The following RBMS3 variants were observed in gnomAD, a reference collection of about 807,000 sequenced individuals.
RBMS3 encodes the protein RNA-binding motif, single-stranded-interacting protein 3.
Under a neutral mutation model 66.8 loss-of-function variants are expected in RBMS3, and 27 were observed. That is an observed-to-expected ratio of 0.40 (90% confidence interval 0.30 to 0.56). The LOEUF (loss-of-function observed/expected upper bound fraction) is 0.56, where lower values mean the gene tolerates loss of function less well. RBMS3 is among the 20% of genes least tolerant of loss of function. RBMS3 has a pLI of 0.40. For synonymous variants in RBMS3, 188 were observed against 183.0 expected (o/e 1.03, Z -0.22); for missense variants, 513 against 549.5 (o/e 0.93, Z 0.66).
At chr3:29,420,868 G>A (rs1421985182) in intron 1 of RBMS3, among the ~76,000 whole-genome samples, 1 of 151,750 alleles carries the variant, frequency 6.6e-6, no homozygotes, top group Non-Finnish European at 1.5e-5. Context: ...ACTTTGGGAG[G>A]CCGAGGCGGG....
At chr3:29,785,162 T>C (rs896038245) in intron 6 of RBMS3, among the ~76,000 whole-genome samples, 11 of 151,988 alleles carry the variant, frequency 7.2e-5, no homozygotes, top group African/African-American at 2.7e-4. Flanking sequence ...CCTAAATCAA[T>C]CTATAAAGCC....
chr3:29,426,340 A>G (rs2040959276), intron 1 of RBMS3, among the ~76,000 whole-genome samples: 1 of 152,204 alleles, frequency 6.6e-6, no homozygotes, highest in African/African-American at 2.4e-5. Flanking sequence ...TTTATTAATC[A>G]AATTTGTTTA....
chr3:29,941,530 A>C (rs961883496), intron 11 of RBMS3, among the ~76,000 whole-genome samples: 1 of 151,850 alleles, frequency 6.6e-6, no homozygotes, highest in African/African-American at 2.4e-5. Context: ...AGTTTAAAAA[A>C]ATTGGTTTAG....
chr3:29,342,510 G>C (rs1271872396), intron 1 of RBMS3, among the ~76,000 whole-genome samples: 1 of 152,114 alleles, frequency 6.6e-6, no homozygotes, highest in Admixed American at 6.6e-5. Context: ...ATTGAAAAAA[G>C]TATTTTTATA....
In RBMS3 at chr3:29,908,749, A is replaced by T. The variant is rs111684271; in HGVS notation, c.939+8994A>T. Among the ~76,000 whole-genome samples, 28 of 152,302 alleles carry T rather than the reference A, an allele frequency of 1.8e-4. 2 individuals carry two copies. The highest frequency in any genetic ancestry group is 6.7e-4 in the African/African-American group (28 of 41,554). On this transcript the variant is annotated intron_variant, in intron 10 of 14. Transcript: ENST00000383767. ...ATAATAAAAACAAATATTCTTGAGC[A>T]TCAAATATGTGCATGATATTTTTCT...
At chr3:29,515,892 G>A (rs921923298) in intron 3 of RBMS3, among the ~76,000 whole-genome samples, 2 of 152,216 alleles carry the variant, frequency 1.3e-5, no homozygotes, top group Non-Finnish European at 2.9e-5. Flanking sequence ...ATGGTCGTGG[G>A]TTCTTAATAC....
chr3:29,326,928 C>T (rs1209993813), intron 1 of RBMS3, among the ~76,000 whole-genome samples: 1 of 152,074 alleles, frequency 6.6e-6, no homozygotes, highest in Non-Finnish European at 1.5e-5. Flanking sequence ...GACGGGGTTT[C>T]ACCGTGTTGG....
intron 12 of RBMS3, among the ~76,000 whole-genome samples, chr3:29,969,740 T>C (rs1453523702): frequency 6.6e-6 from 1 of 152,178 alleles, no homozygotes; most frequent in Non-Finnish European, 1.5e-5. Context: ...TGTAACTACA[T>C]GGTAGTGAAA....
intron 1 of RBMS3, among the ~76,000 whole-genome samples, chr3:29,299,546 A>G (rs1431313442): frequency 3.3e-5 from 5 of 151,916 alleles, no homozygotes; most frequent in African/African-American, 1.2e-4. Flanking sequence ...ATTTCTACCA[A>G]CTGCGGGTTC....
intron 4 of RBMS3, among the ~76,000 whole-genome samples, chr3:29,672,692 G>T (rs572796738): frequency 6.6e-6 from 1 of 152,252 alleles, no homozygotes. Flanking sequence ...GACAAAGAAG[G>T]CCATTACATA....
At chr3:29,645,364 G>A (rs1320291523) in intron 4 of RBMS3, among the ~76,000 whole-genome samples, 2 of 152,218 alleles carry the variant, frequency 1.3e-5, no homozygotes, top group Non-Finnish European at 2.9e-5. Context: ...GTTCGGCTTT[G>A]TGTCTTATTC....
intron 1 of RBMS3, among the ~76,000 whole-genome samples, chr3:29,363,612 A>G (rs930658317): frequency 2.0e-5 from 3 of 152,076 alleles, no homozygotes; most frequent in African/African-American, 7.2e-5. Flanking sequence ...GATATGGCGA[A>G]ACCCCATCTG....
At chr3:29,359,229 C>T (rs1041760253) in intron 1 of RBMS3, among the ~76,000 whole-genome samples, 5 of 152,126 alleles carry the variant, frequency 3.3e-5, no homozygotes, top group African/African-American at 9.7e-5. Flanking sequence ...CCATCAATAC[C>T]TAATTTATTG....
At chr3:29,353,902 C>A (rs1039405166) in intron 1 of RBMS3, among the ~76,000 whole-genome samples, 1 of 152,028 alleles carries the variant, frequency 6.6e-6, no homozygotes, top group Non-Finnish European at 1.5e-5. Flanking sequence ...GCCAAAAGTT[C>A]TTTAGAAGTA....
At chr3:29,870,295 A>T (rs572310890) in intron 7 of RBMS3, among the ~76,000 whole-genome samples, 1 of 152,234 alleles carries the variant, frequency 6.6e-6, no homozygotes, top group Non-Finnish European at 1.5e-5. Context: ...TCATTATCAC[A>T]TGTCCCCTAC....
chr3:29,327,727 A>G (rs1559491164), intron 1 of RBMS3, among the ~76,000 whole-genome samples: 1 of 152,176 alleles, frequency 6.6e-6, no homozygotes, highest in Non-Finnish European at 1.5e-5. Context: ...AGTTGCAGTG[A>G]GTTTTACTGT....
chr3:29,848,062 C>CT (rs1382356210), intron 6 of RBMS3, among the ~76,000 whole-genome samples: 1 of 152,002 alleles, frequency 6.6e-6, no homozygotes, highest in African/African-American at 2.4e-5. Context: ...CTTTGTTCAC[C>CT]TTTTTTCTAG....
intron 5 of RBMS3, among the ~76,000 whole-genome samples, chr3:29,747,398 A>G (rs201106641): frequency 1.9e-4 from 8 of 42,014 alleles, no homozygotes; most frequent in South Asian, 1.4e-3. Context: ...AGGTAGATAG[A>G]TAGATAGATA....
At chr3:29,481,163 A>G (rs2043117436) in intron 2 of RBMS3, among the ~76,000 whole-genome samples, 1 of 152,218 alleles carries the variant, frequency 6.6e-6, no homozygotes, top group Non-Finnish European at 1.5e-5. Context: ...CATGAGTTGA[A>G]AAATGTAGAG....
Sources: gnomAD v4.1 joint callset for allele counts (sites outside exome capture counted in the v4.1 genomes callset) on GRCh38, gnomAD v4.1.1 for gene constraint, MANE v1.5 for transcripts, NCBI Gene and HGNC (gene_info 2026-07-23, HGNC 2026-07-21) for gene names.